The following TRAF3IP1 variants were observed in gnomAD, a reference collection of about 807,000 sequenced individuals.
TRAF3IP1 encodes intraflagellar transport 54, also known as TRAF3-interacting protein 1.
Under a neutral mutation model 89.9 loss-of-function variants are expected in TRAF3IP1, and 53 were observed. The ratio of observed to expected loss-of-function variants is 0.59; its 90% CI spans 0.47 to 0.74. The LOEUF is 0.74. TRAF3IP1 is among the 30% of genes least tolerant of loss of function. TRAF3IP1 has a pLI of 0.00. For missense variants in TRAF3IP1, 806 were observed against 866.1 expected (o/e 0.93, Z 0.87); for synonymous variants, 311 against 322.1 (o/e 0.97, Z 0.37).
intron 10 of TRAF3IP1, among the ~76,000 whole-genome samples, chr2:238,347,704 C>G (rs764745611): frequency 1.4e-4 from 21 of 151,924 alleles, no homozygotes; most frequent in Non-Finnish European, 2.2e-4. Flanking sequence ...CTCGGTTCAC[C>G]GCAACCTCTG....
intron 15 of TRAF3IP1, 156 bp from the exon 16 acceptor site, chr2:238,397,303 G>A: frequency 3.2e-6 from 2 of 632,076 alleles, no homozygotes; most frequent in East Asian, 2.7e-5. Flanking sequence ...AGGCAGCATG[G>A]CTCTCCCTTT....
chr2:238,335,352 C>T (rs972089960), intron 7 of TRAF3IP1, among the ~76,000 whole-genome samples: 5 of 152,212 alleles, frequency 3.3e-5, no homozygotes, highest in African/African-American at 9.6e-5. Context: ...ATAATCCATC[C>T]GTGGTTCCAG....
In TRAF3IP1 at chr2:238,352,944, T is replaced by G. The variant is rs765497080; in HGVS notation, c.1569T>G (p.Ile523Met). ...CTCAGCTCTCTGAAATGTCAGAAATTGAAATGGTTAGTTAACCGAAATATG... is the reference window on the plus strand; with the variant it reads ...CTCAGCTCTCTGAAATGTCAGAAATGGAAATGGTTAGTTAACCGAAATATG... ...AAPQLSEMSE[I>M]EMVTAVELEE... The change falls in exon 13 of 17, where the codon ATT (isoleucine) becomes ATG (methionine). Residue 523 changes from isoleucine to methionine, a missense_variant. Ile to Met is a conservative substitution (Grantham distance 10). Transcript: ENST00000373327. 1.9e-6 allele frequency: 3 copies of G among 1,610,132 alleles called. No individual in the cohort carries two copies. The East Asian group carries it at 6.7e-5, about 36-fold the overall frequency.
At chr2:238,325,616 A>C (rs1265888783) in intron 2 of TRAF3IP1, among the ~76,000 whole-genome samples, 193 bp from the exon 3 acceptor site, 2 of 152,360 alleles carry the variant, frequency 1.3e-5, no homozygotes, top group East Asian at 3.8e-4. Context: ...ATGCTAGCCC[A>C]TCAACTAAAT....
chr2:238,383,087 C>G (rs1053704864), intron 15 of TRAF3IP1, among the ~76,000 whole-genome samples: 3 of 152,296 alleles, frequency 2.0e-5, no homozygotes, highest in African/African-American at 7.2e-5. Flanking sequence ...CTTCCGGAAC[C>G]TGCTGGTGGT....
intron 5 of TRAF3IP1, among the ~76,000 whole-genome samples, chr2:238,330,838 C>G (rs1320363142): frequency 6.6e-6 from 1 of 152,234 alleles, no homozygotes; most frequent in Non-Finnish European, 1.5e-5. Context: ...TAAAATGTCA[C>G]TCTTTCCCCC....
chr2:238,340,905 T>TC (rs1419458302), intron 8 of TRAF3IP1, among the ~76,000 whole-genome samples: 2 of 151,912 alleles, frequency 1.3e-5, no homozygotes, highest in African/African-American at 4.8e-5. Context: ...TTGCTCAGGC[T>TC]CGGGTACAGT....
intron 15 of TRAF3IP1, among the ~76,000 whole-genome samples, chr2:238,380,732 C>T (rs1397138561): frequency 1.3e-5 from 2 of 152,208 alleles, no homozygotes; most frequent in Admixed American, 6.5e-5. Flanking sequence ...GAAATGCCTG[C>T]ATCACACCTT....
rs1162231422 is a variant in TRAF3IP1 at position 238,399,332 on chromosome 2, G to C, written c.*413G>C. The C allele has an allele frequency of 6.4e-6, 1 of 155,114 alleles. No homozygotes were observed. The highest frequency in any genetic ancestry group is 2.4e-5 in the African/African-American group (1 of 41,486). 9.6% of individuals were successfully genotyped at this position (155,114 alleles called of 1,614,324 possible). On this transcript the variant is annotated 3_prime_UTR_variant, in exon 17 of 17. Transcript: ENST00000373327. ...GGTCAGTGCCGAATGAAGGATGACT[G>C]TGTACTTTTTGATAGGCACTTGATA...
At chr2:238,381,018 C>T (rs1029332872) in intron 15 of TRAF3IP1, among the ~76,000 whole-genome samples, 11 of 151,814 alleles carry the variant, frequency 7.2e-5, no homozygotes, top group Middle Eastern at 3.5e-3. Context: ...TTTTGGTTTC[C>T]TGAGGATACT....
chr2:238,328,692 A>G lies in TRAF3IP1; in HGVS notation c.361A>G (p.Ser121Gly). 6.2e-7 allele frequency: 1 copy of G among 1,613,580 alleles called. No individual in the cohort carries two copies. Among genetic ancestry groups the G allele is most frequent in the Non-Finnish European group, 8.5e-7 (1 of 1,179,830 alleles). ...IGKCCLNKLS[S>G]DDAVRRVLAG... ...CTTCCATTTGGACGACAAGCTCTCTAGTGACGATGCGGTGCGGAGGGTTTT... is the reference window on the plus strand; with the variant it reads ...CTTCCATTTGGACGACAAGCTCTCTGGTGACGATGCGGTGCGGAGGGTTTT... The change falls in exon 4 of 17, where the codon AGT becomes GGT. Residue 121 changes from serine (S) to glycine (G), a missense_variant. Ser to Gly is a moderately conservative substitution (Grantham distance 56). Coordinates refer to ENST00000373327, the MANE Select transcript of TRAF3IP1 (RefSeq NM_015650.4).
intron 15 of TRAF3IP1, among the ~76,000 whole-genome samples, chr2:238,357,789 C>T (rs909898634): frequency 4.6e-5 from 7 of 152,168 alleles, no homozygotes; most frequent in African/African-American, 1.7e-4. Flanking sequence ...GTGGAGGTCA[C>T]CTTTGAAGCC....
At chr2:238,337,536 C>T (rs1698443782) in intron 7 of TRAF3IP1, among the ~76,000 whole-genome samples, 2 of 152,240 alleles carry the variant, frequency 1.3e-5, no homozygotes, top group Non-Finnish European at 2.9e-5. Context: ...TAGAAGGCCT[C>T]CTTTTAAAAC....
intron 15 of TRAF3IP1, among the ~76,000 whole-genome samples, chr2:238,356,663 T>C (rs1435714520): frequency 3.3e-5 from 5 of 152,274 alleles, no homozygotes; most frequent in African/African-American, 7.2e-5. Context: ...CCTGTTGGGC[T>C]CTGACTCCCT....
At chr2:238,327,815 C>T (rs1346060107) in intron 3 of TRAF3IP1, among the ~76,000 whole-genome samples, 2 of 152,162 alleles carry the variant, frequency 1.3e-5, no homozygotes, top group South Asian at 2.1e-4. Flanking sequence ...CTAGGGACCT[C>T]GGATAAGTGG....
intron 6 of TRAF3IP1, among the ~76,000 whole-genome samples, chr2:238,333,686 A>G (rs1318746910): frequency 6.6e-6 from 1 of 152,240 alleles, no homozygotes; most frequent in Non-Finnish European, 1.5e-5. Context: ...CCAATAAGAC[A>G]GTGTTTCTCA....
intron 16 of TRAF3IP1, among the ~76,000 whole-genome samples, chr2:238,398,287 G>T (rs1292859640): frequency 5.4e-5 from 7 of 128,960 alleles, no homozygotes; most frequent in Admixed American, 2.3e-4. Context: ...ATAGCGGAGT[G>T]GGGGGAGTAA....
chr2:238,344,761 A>G lies in TRAF3IP1; in HGVS notation c.1261+163A>G, dbSNP rs1345289590. On this transcript the variant is annotated intron_variant, in intron 9 of 16. Coordinates refer to ENST00000373327, the MANE Select transcript of TRAF3IP1 (RefSeq NM_015650.4). ...CTTCTGCCTTTTTGCATAAACTAGA[A>G]TCGAACATGGTGGTTTCTTGATAGC... is the stretch of plus-strand genomic sequence containing the variant. The G allele has an allele frequency of 5.6e-6, 4 of 710,346 alleles. No individual in the cohort carries two copies. The East Asian group carries it at 1.1e-4, about 19-fold the overall frequency. 44.0% of individuals were successfully genotyped at this position (710,346 alleles called of 1,614,324 possible).
chr2:238,340,473 C>A (rs573185881), intron 8 of TRAF3IP1, among the ~76,000 whole-genome samples: 1 of 152,172 alleles, frequency 6.6e-6, no homozygotes, highest in African/African-American at 2.4e-5. Context: ...TTTATTGTTA[C>A]CATTTTGATT....
Sources: allele counts gnomAD v4.1 joint callset (sites outside exome capture counted in the v4.1 genomes callset), GRCh38; gene constraint gnomAD v4.1.1; transcripts MANE v1.5; gene names NCBI Gene and HGNC (gene_info 2026-07-23, HGNC 2026-07-21).